The following CACNA2D3 variants were observed in gnomAD, a reference collection of about 807,000 sequenced individuals.
The protein encoded by CACNA2D3 is voltage-dependent calcium channel subunit alpha-2/delta-3.
In CACNA2D3, 60 loss-of-function variants were observed where a neutral mutation model predicts 160.6. The observed-to-expected ratio is 0.37, with a 90% CI of 0.30 to 0.46. The LOEUF (loss-of-function observed/expected upper bound fraction) is 0.46. Among genes scored for constraint, CACNA2D3 ranks in the 20% least tolerant of loss-of-function variants. CACNA2D3 has a pLI of 1.00. For synonymous variants in CACNA2D3, 558 were observed against 492.9 expected (o/e 1.13, Z -1.75); for missense variants, 1,205 against 1,365.0 (o/e 0.88, Z 1.85).
At chr3:54,759,584 A>G (rs1702043419) in intron 12 of CACNA2D3, among the ~76,000 whole-genome samples, 1 of 152,166 alleles carries the variant, frequency 6.6e-6, no homozygotes, top group Admixed American at 6.5e-5. Context: ...TTATTTTTAA[A>G]ATTTTATCTT....
chr3:54,158,739 C>G (rs1700287110), intron 2 of CACNA2D3, among the ~76,000 whole-genome samples: 1 of 152,204 alleles, frequency 6.6e-6, no homozygotes, highest in South Asian at 2.1e-4. Context: ...GCTCACTTAG[C>G]AAGCACTTTT....
intron 5 of CACNA2D3, among the ~76,000 whole-genome samples, chr3:54,518,463 G>A (rs1468555827): frequency 6.6e-6 from 1 of 152,172 alleles, no homozygotes; most frequent in Non-Finnish European, 1.5e-5. Context: ...CCGAGATGGG[G>A]TCACACAGAG....
chr3:54,211,823 A>G (rs113410510), intron 2 of CACNA2D3, among the ~76,000 whole-genome samples: 5,245 of 152,288 alleles, frequency 0.034, 115 homozygotes, highest in Middle Eastern at 0.088. Flanking sequence ...TTATAAAAAT[A>G]TATTATAAAA....
At chr3:55,058,574 A>G (rs777595075) in intron 35 of CACNA2D3, among the ~76,000 whole-genome samples, 1 of 152,152 alleles carries the variant, frequency 6.6e-6, no homozygotes, top group Non-Finnish European at 1.5e-5. Context: ...AACTGAGACT[A>G]TAGAGTAAAA....
intron 2 of CACNA2D3, among the ~76,000 whole-genome samples, chr3:54,265,098 C>G (rs534554087): frequency 2.0e-5 from 3 of 152,094 alleles, no homozygotes; most frequent in African/African-American, 7.2e-5. Context: ...GGGTATATAC[C>G]CAGCAATGGG....
At chr3:54,506,104 G>T in intron 5 of CACNA2D3, among the ~76,000 whole-genome samples, 1 of 152,218 alleles carries the variant, frequency 6.6e-6, no homozygotes, top group East Asian at 1.9e-4. Flanking sequence ...AAGGGCAGAG[G>T]AGAGGCAGGG....
chr3:54,147,255 G>C (rs1377026002), intron 2 of CACNA2D3, among the ~76,000 whole-genome samples: 1 of 152,238 alleles, frequency 6.6e-6, no homozygotes, highest in Admixed American at 6.5e-5. Context: ...AGTCACATCT[G>C]AGTAGTGAGG....
intron 4 of CACNA2D3, among the ~76,000 whole-genome samples, chr3:54,473,001 T>C (rs1486263012): frequency 6.6e-6 from 1 of 152,172 alleles, no homozygotes; most frequent in Non-Finnish European, 1.5e-5. Flanking sequence ...CAAGCTACCG[T>C]TGACTTTTTT....
intron 11 of CACNA2D3, among the ~76,000 whole-genome samples, chr3:54,734,790 C>T (rs754237949): frequency 1.6e-4 from 24 of 152,202 alleles, no homozygotes; most frequent in African/African-American, 4.3e-4. Flanking sequence ...TTAACATCCT[C>T]GGCTTCACTC....
At chr3:54,165,114 A>T (rs1364025773) in intron 2 of CACNA2D3, among the ~76,000 whole-genome samples, 82 of 117,834 alleles carry the variant, frequency 7.0e-4, no homozygotes, top group Admixed American at 1.4e-3. Flanking sequence ...TCTGAATCTC[A>T]TTTTTTTTTT....
chr3:54,789,163 A>G (rs547579804), intron 13 of CACNA2D3, among the ~76,000 whole-genome samples: 1 of 152,348 alleles, frequency 6.6e-6, no homozygotes, highest in South Asian at 2.1e-4. Flanking sequence ...AAGTATAAAT[A>G]TATAACAGTC....
chr3:54,372,231 G>A (rs1000955042), intron 3 of CACNA2D3, among the ~76,000 whole-genome samples: 5 of 152,192 alleles, frequency 3.3e-5, no homozygotes, highest in Non-Finnish European at 7.3e-5. Context: ...CTTCAGCTAC[G>A]TGGAATTGCT....
intron 5 of CACNA2D3, among the ~76,000 whole-genome samples, chr3:54,541,431 G>A (rs779935785): frequency 1.3e-5 from 2 of 152,068 alleles, no homozygotes; most frequent in Non-Finnish European, 2.9e-5. Context: ...CAACAACCAC[G>A]AGAAGCTAGG....
At chr3:54,771,156 AT>A (rs1431871957) in intron 13 of CACNA2D3, among the ~76,000 whole-genome samples, 2 of 152,136 alleles carry the variant, frequency 1.3e-5, no homozygotes, top group Non-Finnish European at 2.9e-5. Flanking sequence ...AGGAGAACAG[AT>A]CTTTCCAGAC....
intron 2 of CACNA2D3, among the ~76,000 whole-genome samples, chr3:54,151,878 C>A (rs762645733): frequency 6.6e-6 from 1 of 152,178 alleles, no homozygotes; most frequent in African/African-American, 2.4e-5. Flanking sequence ...TTTTCTCAGC[C>A]ATCCTCTTTC....
intron 9 of CACNA2D3, among the ~76,000 whole-genome samples, chr3:54,606,596 C>T (rs543409060): frequency 3.9e-5 from 6 of 152,030 alleles, no homozygotes; most frequent in Admixed American, 6.5e-5. Context: ...TGCCATTTGC[C>T]GAGATGAGGA....
chr3:54,875,534 T>G (rs1290390306), intron 18 of CACNA2D3: 8 of 152,234 alleles, frequency 5.3e-5, no homozygotes, highest in Admixed American at 5.2e-4. Context: ...TCCATAATCA[T>G]ACACACAACT....
chr3:54,276,585 AAAAAAG>A (rs1702744161), intron 2 of CACNA2D3, among the ~76,000 whole-genome samples: 2 of 137,534 alleles, frequency 1.5e-5, no homozygotes. Context: ...AAAAAAAAAA[AAAAAAG>A]AAGAAGAAGA....
intron 4 of CACNA2D3, among the ~76,000 whole-genome samples, chr3:54,438,769 G>A (rs1431966793): frequency 6.6e-6 from 1 of 152,126 alleles, no homozygotes; most frequent in Non-Finnish European, 1.5e-5. Flanking sequence ...AATCATTAAG[G>A]GAGGCACTAA....
Sources: allele counts gnomAD v4.1 joint callset (sites outside exome capture counted in the v4.1 genomes callset), GRCh38; gene constraint gnomAD v4.1.1; transcripts MANE v1.5; gene names NCBI Gene and HGNC (gene_info 2026-07-23, HGNC 2026-07-21).